TRIM61: variants seen among roughly 807,000 people sequenced by gnomAD.
TRIM61 encodes the protein putative tripartite motif-containing protein 61.
TRIM61 carries 1 observed loss-of-function variant against 14.2 expected under a neutral mutation model. That is an observed-to-expected ratio of 0.07 (90% CI 0.03 to 0.33). TRIM61 has a LOEUF of 0.33. Ranked by LOEUF, TRIM61 falls within the 10% of genes least tolerant of loss-of-function variation. The pLI is 0.99. For missense variants in TRIM61, 19 were observed against 202.2 expected, an observed-to-expected ratio of 0.09 and a Z score of 5.49; for synonymous variants, 8 against 71.6, an observed-to-expected ratio of 0.11 and a Z score of 4.49.
At chr4:164,956,983 G>T in intron 3 of TRIM61, 1 of 1,450,996 alleles carries the variant, frequency 6.9e-7, no homozygotes. Flanking sequence ...AAGGTGTGGC[G>T]CGACGTTGGA....
At chr4:164,968,089 T>C in intron 3 of TRIM61, 192 bp downstream of exon 3, 2 of 832,152 alleles carry the variant, frequency 2.4e-6, no homozygotes, top group Non-Finnish European at 1.4e-6. Context: ...GAGACGGAGG[T>C]TGCAGTGAGC....
At chr4:164,975,292 C>A (rs1383049824) in intron 2 of TRIM61, among the ~76,000 whole-genome samples, 1 of 149,298 alleles carries the variant, frequency 6.7e-6, no homozygotes, top group Non-Finnish European at 1.5e-5. Context: ...AGCATCATTG[C>A]AAAAAATGGT....
intron 3 of TRIM61, among the ~76,000 whole-genome samples, chr4:164,963,440 C>A (rs1186378273): frequency 6.6e-6 from 1 of 152,140 alleles, no homozygotes; most frequent in Admixed American, 6.6e-5. Flanking sequence ...CATTCCTTCA[C>A]ACATTTAAAG....
chr4:164,966,785 C>T, intron 3 of TRIM61, among the ~76,000 whole-genome samples: 1 of 152,004 alleles, frequency 6.6e-6, no homozygotes, highest in Admixed American at 6.6e-5. Context: ...TGGTGGCAGG[C>T]ACCTGTAATC....
At chr4:164,976,023 G>C (rs1732473425) in intron 2 of TRIM61, among the ~76,000 whole-genome samples, 1 of 152,186 alleles carries the variant, frequency 6.6e-6, no homozygotes, top group South Asian at 2.1e-4. Flanking sequence ...ACTCCGCTGA[G>C]ATGTTTGGGT....
chr4:164,975,380 AG>A (rs1439876713), intron 2 of TRIM61, among the ~76,000 whole-genome samples: 7 of 152,228 alleles, frequency 4.6e-5, no homozygotes, highest in African/African-American at 9.6e-5. Flanking sequence ...TGCAGGGAAA[AG>A]AAAGAGATCA....
At chr4:164,965,784 T>C (rs764353171) in intron 3 of TRIM61, among the ~76,000 whole-genome samples, 36 of 143,800 alleles carry the variant, frequency 2.5e-4, no homozygotes, top group Non-Finnish European at 4.7e-4. Flanking sequence ...ATTTCCCAAT[T>C]TAAAAGGTTA....
chr4:164,957,169 G>C, intron 3 of TRIM61: 4 of 1,612,130 alleles, frequency 2.5e-6, no homozygotes, highest in South Asian at 1.1e-5. Flanking sequence ...CTTATACGCT[G>C]ACCGGCGGCC....
chr4:164,973,568 C>A (rs950709717), intron 2 of TRIM61, among the ~76,000 whole-genome samples: 4 of 152,138 alleles, frequency 2.6e-5, no homozygotes, highest in Admixed American at 2.6e-4. Context: ...GGTTTTCATC[C>A]AACTCTAACA....
intron 3 of TRIM61, among the ~76,000 whole-genome samples, chr4:164,959,684 A>C (rs1732091912): frequency 6.6e-6 from 1 of 152,224 alleles, no homozygotes. Flanking sequence ...TTGAGTAAAA[A>C]TAACAGTAGA....
intron 3 of TRIM61, among the ~76,000 whole-genome samples, chr4:164,956,542 CTG>C (rs1731993967): frequency 6.6e-6 from 1 of 152,196 alleles, no homozygotes. Flanking sequence ...ATAATTTCAT[CTG>C]TATATTTCAT....
At chr4:164,966,243 A>C (rs1421537028) in intron 3 of TRIM61, among the ~76,000 whole-genome samples, 2 of 152,242 alleles carry the variant, frequency 1.3e-5, no homozygotes, top group Non-Finnish European at 2.9e-5. Context: ...TAACTACAGG[A>C]AACTGTTATA....
At chr4:164,970,802 A>G (rs1732348029) in intron 2 of TRIM61, among the ~76,000 whole-genome samples, 1 of 152,182 alleles carries the variant, frequency 6.6e-6, no homozygotes, top group Non-Finnish European at 1.5e-5. Context: ...AACAAAACAA[A>G]AAAATGCTGG....
intron 3 of TRIM61, among the ~76,000 whole-genome samples, chr4:164,964,789 A>G (rs1343009699): frequency 6.6e-6 from 1 of 152,214 alleles, no homozygotes; most frequent in Non-Finnish European, 1.5e-5. Flanking sequence ...TTTTTCATTT[A>G]CAAAACCCTT....
At chr4:164,964,161 AAC>A (rs1365882323) in intron 3 of TRIM61, among the ~76,000 whole-genome samples, 1 of 151,886 alleles carries the variant, frequency 6.6e-6, no homozygotes, top group Non-Finnish European at 1.5e-5. Flanking sequence ...CATCCTGGCT[AAC>A]ACAGTGAAAC....
chr4:164,959,422 C>G (rs927842274), intron 3 of TRIM61, among the ~76,000 whole-genome samples: 4 of 151,830 alleles, frequency 2.6e-5, no homozygotes, highest in Non-Finnish European at 4.4e-5. Flanking sequence ...TTCTTCCCTT[C>G]TTTTGGTGAG....
At chr4:164,959,901 T>G (rs1156366562) in intron 3 of TRIM61, among the ~76,000 whole-genome samples, 3 of 152,180 alleles carry the variant, frequency 2.0e-5, no homozygotes, top group Non-Finnish European at 1.5e-5. Flanking sequence ...AAAAGTATGT[T>G]GAAGGGCTAA....
chr4:164,956,333 T>C (rs1241234863), intron 3 of TRIM61, among the ~76,000 whole-genome samples: 1 of 152,210 alleles, frequency 6.6e-6, no homozygotes, highest in Non-Finnish European at 1.5e-5. Flanking sequence ...ACCAAAGTGC[T>C]GGGATTACAG....
rs181795810 is a variant in TRIM61 at position 164,972,265 on chromosome 4, T to C, written c.-337-1926A>G. 2.8e-4 allele frequency among the ~76,000 whole-genome samples: 43 copies of C among 152,336 alleles called. No individual in the cohort carries two copies. In the East Asian group the frequency reaches 6.6e-3, roughly 23 times the overall value. On this transcript the variant is annotated intron_variant, in intron 2 of 4. Coordinates refer to ENST00000329314, the MANE Select transcript of TRIM61 (RefSeq NM_001012414.3). ...TTTTTTGAATCGCATTTCTTTGACC[T>C]GTAAAATGGGAAGTATAACAACCTC...
Sources: gnomAD v4.1 joint callset for allele counts (sites outside exome capture counted in the v4.1 genomes callset) on GRCh38, gnomAD v4.1.1 for gene constraint, MANE v1.5 for transcripts, NCBI Gene and HGNC (gene_info 2026-07-23, HGNC 2026-07-21) for gene names.